Variants in APLF observed in about 807,000 individuals in gnomAD.
The protein encoded by APLF is aprataxin and PNKP like factor.
In APLF, 61 loss-of-function variants were observed where a neutral mutation model predicts 55.6. The observed-to-expected ratio is 1.10, with a 90% confidence interval of 0.89 to 1.36. APLF has a LOEUF of 1.36. Among genes scored for constraint, APLF ranks in the 40% most tolerant of loss-of-function variants. The probability of loss-of-function intolerance (pLI) is 0.00; values close to 1 mark genes in which losing one functional copy is unlikely to be tolerated. For missense variants in APLF, 611 were observed against 602.5 expected (o/e 1.01, Z -0.15); for synonymous variants, 207 against 214.8 (o/e 0.96, Z 0.32).
chr2:68,557,025 T>C (rs1214977289), intron 8 of APLF, among the ~76,000 whole-genome samples: 10 of 152,204 alleles, frequency 6.6e-5, no homozygotes, highest in Non-Finnish European at 1.2e-4. Flanking sequence ...CTCTTTTATT[T>C]TTGAAAAGTG....
intron 8 of APLF, among the ~76,000 whole-genome samples, chr2:68,558,739 C>G (rs1224727742): frequency 6.6e-6 from 1 of 152,142 alleles, no homozygotes; most frequent in African/African-American, 2.4e-5. Context: ...AACCCGTCAC[C>G]TAGGTATTAA....
At chr2:68,477,035 AGTC>A (rs1675800647) in intron 1 of APLF, among the ~76,000 whole-genome samples, 2 of 152,250 alleles carry the variant, frequency 1.3e-5, no homozygotes, top group African/African-American at 4.8e-5. Context: ...TGTAGGTAGT[AGTC>A]TATTTTATCA....
chr2:68,490,241 G>C lies in APLF; in HGVS notation c.148G>C (p.Gly50Arg), dbSNP rs1676316835. The C allele has an allele frequency of 6.2e-7, 1 of 1,611,524 alleles. No individual in the cohort carries two copies. The highest frequency in any genetic ancestry group is 8.5e-7 in the Non-Finnish European group (1 of 1,179,290). ...RRHAILEVAGGQLRIKPIHTN... is the reference protein window; with the variant it reads ...RRHAILEVAGRQLRIKPIHTN... The stretch of plus-strand genomic sequence containing the variant: ...ACATGCCATTCTTGAGGTGGCAGGT[G>C]GTCAGCTGCGAATCAAACCGGTAAA... The change falls in exon 2 of 10, where the codon GGT becomes CGT. Residue 50 changes from glycine to arginine, a missense_variant. Gly to Arg is a moderately radical substitution (Grantham distance 125). Transcript: ENST00000303795.
intron 2 of APLF, among the ~76,000 whole-genome samples, chr2:68,497,820 A>G (rs1413693315): frequency 1.3e-5 from 2 of 152,192 alleles, no homozygotes; most frequent in East Asian, 1.9e-4. Context: ...TATCCAAGCT[A>G]TATCAGGAGT....
chr2:68,525,203 G>A (rs1670000842), intron 5 of APLF, among the ~76,000 whole-genome samples: 1 of 151,954 alleles, frequency 6.6e-6, no homozygotes, highest in Non-Finnish European at 1.5e-5. Context: ...GGCTGAGGCA[G>A]GAGAACTGCT....
chr2:68,514,697 A>G (rs986761648), intron 5 of APLF, among the ~76,000 whole-genome samples: 1 of 151,644 alleles, frequency 6.6e-6, no homozygotes, highest in African/African-American at 2.4e-5. Context: ...CCTAGCCTCA[A>G]ACTCTCTGCT....
intron 3 of APLF, among the ~76,000 whole-genome samples, chr2:68,507,838 A>G (rs561509101): frequency 9.9e-5 from 15 of 151,988 alleles, no homozygotes; most frequent in African/African-American, 3.4e-4. Flanking sequence ...ATTTTCAGAC[A>G]CTTATGAGGA....
chr2:68,564,815 A>G (rs1186755938), intron 8 of APLF, among the ~76,000 whole-genome samples: 1 of 152,072 alleles, frequency 6.6e-6, no homozygotes, highest in Non-Finnish European at 1.5e-5. Context: ...TCACTTCATA[A>G]GAAAGAGGGT....
rs867947873 is a variant in APLF, at chr2:68,513,144, T to C, written c.406T>C (p.Leu136=). Residue 136 remains leucine, a synonymous_variant, in exon 4 of 10, where the codon TTA becomes CTA. Transcript: ENST00000303795. ...NETPKSPVIN[L]PHETTGASQL... ...AACACCAAAATCCCCCGTGATTAATTTACCTCATGAGACTACTGGTGCCTC... is the reference window on the plus strand; with the variant it reads ...AACACCAAAATCCCCCGTGATTAATCTACCTCATGAGACTACTGGTGCCTC... The C allele has an allele frequency of 1.9e-6, 3 of 1,611,398 alleles. No homozygotes were observed. The highest frequency in any genetic ancestry group is 1.7e-4 in the Middle Eastern group (1 of 6,044).
chr2:68,522,666 C>T (rs1669926677), intron 5 of APLF, among the ~76,000 whole-genome samples: 1 of 151,046 alleles, frequency 6.6e-6, no homozygotes, highest in South Asian at 2.1e-4. Context: ...TAAGTTAGGC[C>T]AGGAAAAAAA....
intron 2 of APLF, among the ~76,000 whole-genome samples, chr2:68,496,289 G>C (rs1676544456): frequency 1.3e-5 from 2 of 152,092 alleles, no homozygotes; most frequent in South Asian, 4.1e-4. Flanking sequence ...ATTTTTAGTG[G>C]AGATGGGGTT....
intron 2 of APLF, among the ~76,000 whole-genome samples, chr2:68,499,203 A>G (rs891076486): frequency 6.6e-6 from 1 of 152,216 alleles, no homozygotes; most frequent in Admixed American, 6.5e-5. Flanking sequence ...CTAAAGTTAT[A>G]GCATGATCTG....
At chr2:68,497,860 A>G (rs572838877) in intron 2 of APLF, among the ~76,000 whole-genome samples, 10 of 152,320 alleles carry the variant, frequency 6.6e-5, no homozygotes, top group Non-Finnish European at 1.2e-4. Flanking sequence ...AGATGCCTTT[A>G]ATCAATGAGA....
chr2:68,537,960 T>C lies in APLF; in HGVS notation c.893T>C (p.Ile298Thr), dbSNP rs769423188. 4 of 1,613,930 alleles carry C rather than the reference T, an allele frequency of 2.5e-6. No individual in the cohort carries two copies. The Admixed American group carries it at 6.7e-5, about 27-fold the overall frequency. The change falls in exon 7 of 10, where the codon ATA (isoleucine) becomes ACA (threonine). Residue 298 changes from isoleucine (I) to threonine (T), a missense_variant. Transcript: ENST00000303795. ...KTNAQRNKLP[I>T]EELGKVSKHK... ...AATGCACAGAGAAACAAACTTCCAA[T>C]AGAGGAACTTGGTAAAGTTTCTAAA... is the stretch of plus-strand genomic sequence containing the variant.
At chr2:68,527,753 G>T (rs1339279542) in intron 6 of APLF, among the ~76,000 whole-genome samples, 1 of 151,450 alleles carries the variant, frequency 6.6e-6, no homozygotes, top group Admixed American at 6.6e-5. Flanking sequence ...CAGCCGGGCA[G>T]AGGTGCTCGT....
In APLF at chr2:68,580,075, A is replaced by G; in HGVS notation, c.*2053A>G. On this transcript the variant is annotated 3_prime_UTR_variant, in exon 10 of 10. Transcript: ENST00000303795. ...TAATAGTTCATGGTAGCTGCTTTTA[A>G]CGATACAGTTTTAATGCAACTTTCA... 20 of 940,726 alleles carry G rather than the reference A, an allele frequency of 2.1e-5. No individual in the cohort carries two copies. The highest frequency in any genetic ancestry group is 2.5e-5 in the Non-Finnish European group (20 of 789,074). The allele number at this position is 940,726 out of a possible 1,614,324, so 58.3% of individuals were successfully genotyped here.
At chr2:68,545,161 TGAC>T in intron 7 of APLF, 23 bp from the exon 8 acceptor site, 1 of 1,604,676 alleles carries the variant, frequency 6.2e-7, no homozygotes, top group Admixed American at 1.7e-5. Context: ...TTTTTTTTTC[TGAC>T]AGTATATTTG....
At chr2:68,531,705 A>G (rs1670262033) in intron 6 of APLF, among the ~76,000 whole-genome samples, 1 of 152,206 alleles carries the variant, frequency 6.6e-6, no homozygotes, top group Non-Finnish European at 1.5e-5. Context: ...ATGTCAATTG[A>G]CGTTGCCTTT....
intron 1 of APLF, among the ~76,000 whole-genome samples, chr2:68,469,740 G>A (rs1675561071): frequency 6.6e-6 from 1 of 152,170 alleles, no homozygotes; most frequent in Non-Finnish European, 1.5e-5. Flanking sequence ...CAATTCCAGT[G>A]AGATTTATTT....
Sources: allele counts gnomAD v4.1 joint callset (sites outside exome capture counted in the v4.1 genomes callset), GRCh38; gene constraint gnomAD v4.1.1; transcripts MANE v1.5; gene names NCBI Gene and HGNC (gene_info 2026-07-23, HGNC 2026-07-21).